Variants in NSRP1 observed in about 807,000 individuals in gnomAD.
NSRP1 encodes coiled-coil domain containing 55.
In NSRP1, 24 loss-of-function variants were observed where a neutral mutation model predicts 54.7. The observed-to-expected ratio is 0.44, with a 90% CI of 0.32 to 0.62. NSRP1 has a LOEUF of 0.62. NSRP1 is among the 20% of genes least tolerant of loss of function. NSRP1 has a pLI of 0.06. For missense variants in NSRP1, 596 were observed against 651.2 expected, an observed-to-expected ratio of 0.92 and a Z score of 0.92; for synonymous variants, 210 against 213.8, an observed-to-expected ratio of 0.98 and a Z score of 0.15.
chr17:30,117,388 G>A, intron 1 of NSRP1: 3 of 469,058 alleles, frequency 6.4e-6, no homozygotes. Context: ...AATACTGTAC[G>A]TACTTGAAAG....
intron 2 of NSRP1, among the ~76,000 whole-genome samples, chr17:30,139,665 A>T (rs2071784904): frequency 6.6e-6 from 1 of 151,806 alleles, no homozygotes; most frequent in African/African-American, 2.4e-5. Flanking sequence ...ACAGGTGTGA[A>T]ATGGGGGTAG....
chr17:30,168,779 C>T (rs900731344), intron 2 of NSRP1: 1 of 151,714 alleles, frequency 6.6e-6, no homozygotes, highest in African/African-American at 2.4e-5. Flanking sequence ...AGTTTTACTG[C>T]TACTCTTTTA....
rs575495455 is a variant in NSRP1, at chr17:30,123,409, C to T, written c.114+5236C>T. 2.6e-5 allele frequency among the ~76,000 whole-genome samples: 4 copies of T among 152,304 alleles called. No individual in the cohort carries two copies. The South Asian group carries it at 8.3e-4, about 32-fold the overall frequency. On this transcript the variant is annotated intron_variant, in intron 2 of 6. Coordinates refer to ENST00000247026, the MANE Select transcript of NSRP1 (RefSeq NM_032141.4). The stretch of plus-strand genomic sequence containing the variant: ...GGGATTACAGGCATGAGCCACCGTG[C>T]CCGGCTTTACCTCTTTTTAAATTGG...
At chr17:30,124,892 GTATATTTAAATA>G (rs2071636655) in intron 2 of NSRP1, among the ~76,000 whole-genome samples, 1 of 152,132 alleles carries the variant, frequency 6.6e-6, no homozygotes, top group Non-Finnish European at 1.5e-5. Flanking sequence ...AATTTATTGA[GTATATTTAAATA>G]TTTGTGAGAT....
chr17:30,185,182 TAGAC>T lies in NSRP1; in HGVS notation c.1187_1190del (p.Arg396AsnfsTer25), dbSNP rs1371234208. ...ATTCCCAAAGAGAACAAGAAAGAGA[TAGAC>T]AACAAAATGATCAGAACCGACCCAG... On this transcript the variant is annotated frameshift_variant, in exon 7 of 7. Transcript: ENST00000247026. LOFTEE classifies it high-confidence loss of function. The T allele has an allele frequency of 6.4e-7, 1 of 1,569,790 alleles. No individual in the cohort carries two copies. The highest frequency in any genetic ancestry group is 1.4e-5 in the African/African-American group (1 of 72,126).
At chr17:30,183,620 G>A (rs1420846069) in intron 6 of NSRP1, among the ~76,000 whole-genome samples, 3 of 152,126 alleles carry the variant, frequency 2.0e-5, no homozygotes, top group African/African-American at 7.2e-5. Flanking sequence ...TGCACCATTA[G>A]TGTGATTAGT....
intron 2 of NSRP1, among the ~76,000 whole-genome samples, chr17:30,170,631 A>G (rs1463322790): frequency 6.6e-6 from 1 of 152,212 alleles, no homozygotes; most frequent in Non-Finnish European, 1.5e-5. Context: ...TTAAAGGCTG[A>G]ATAATACTCC....
chr17:30,145,677 A>C (rs1157438537), intron 2 of NSRP1, among the ~76,000 whole-genome samples: 1 of 151,746 alleles, frequency 6.6e-6, no homozygotes. Context: ...TTTTCTCATC[A>C]GCCGTTTATT....
At chr17:30,152,140 T>A (rs1022814699) in intron 2 of NSRP1, among the ~76,000 whole-genome samples, 6 of 149,300 alleles carry the variant, frequency 4.0e-5, no homozygotes, top group Non-Finnish European at 6.0e-5. Context: ...TTTTTTTTTT[T>A]AAAACAGAGT....
intron 2 of NSRP1, among the ~76,000 whole-genome samples, chr17:30,129,768 A>C (rs563325741): frequency 6.6e-6 from 1 of 152,210 alleles, no homozygotes; most frequent in Non-Finnish European, 1.5e-5. Flanking sequence ...AGTCTAGTAT[A>C]GTTCAAATAA....
intron 2 of NSRP1, among the ~76,000 whole-genome samples, chr17:30,148,788 C>T (rs2071880001): frequency 6.6e-6 from 1 of 152,200 alleles, no homozygotes; most frequent in Non-Finnish European, 1.5e-5. Context: ...CTGTTCTGCC[C>T]AGGTTTTCAG....
chr17:30,144,671 ATCTG>A (rs1380151818), intron 2 of NSRP1: 5 of 152,190 alleles, frequency 3.3e-5, no homozygotes, highest in Non-Finnish European at 5.9e-5. Flanking sequence ...ATATAGATAT[ATCTG>A]TCTTTCTGGA....
chr17:30,147,732 G>C (rs1228110958), intron 2 of NSRP1, among the ~76,000 whole-genome samples: 1 of 151,948 alleles, frequency 6.6e-6, no homozygotes, highest in Non-Finnish European at 1.5e-5. Flanking sequence ...TAAAGTGCTG[G>C]GATTACAGGT....
At chr17:30,181,695 C>G (rs1329568798) in intron 6 of NSRP1, among the ~76,000 whole-genome samples, 1 of 150,538 alleles carries the variant, frequency 6.6e-6, no homozygotes, top group Non-Finnish European at 1.5e-5. Context: ...ACTGCAACCT[C>G]TGCCTCTCAA....
chr17:30,138,908 C>CATTT (rs1567793683), intron 2 of NSRP1, among the ~76,000 whole-genome samples: 1 of 64,926 alleles, frequency 1.5e-5, no homozygotes, highest in Non-Finnish European at 3.2e-5. Context: ...CAAGTCTTAG[C>CATTT]GTTTTTTTTT....
intron 2 of NSRP1, among the ~76,000 whole-genome samples, chr17:30,149,286 G>C (rs1345401900): frequency 1.3e-5 from 2 of 152,158 alleles, no homozygotes; most frequent in Non-Finnish European, 2.9e-5. Flanking sequence ...TTGGTCTCGA[G>C]TGATCCTCCA....
At chr17:30,117,980 A>G (rs2071558063) in intron 1 of NSRP1, 100 bp from the exon 2 acceptor site, 3 of 915,404 alleles carry the variant, frequency 3.3e-6, no homozygotes, top group Non-Finnish European at 5.3e-6. Flanking sequence ...AGCTTATGAC[A>G]TGTTTTGATT....
intron 2 of NSRP1, among the ~76,000 whole-genome samples, chr17:30,160,840 T>A (rs1173203849): frequency 2.0e-5 from 3 of 152,192 alleles, no homozygotes; most frequent in Admixed American, 2.0e-4. Context: ...TGTTATACAT[T>A]ATGAAAATGA....
At chr17:30,133,381 G>A (rs1047636555) in intron 2 of NSRP1, among the ~76,000 whole-genome samples, 3 of 151,944 alleles carry the variant, frequency 2.0e-5, no homozygotes, top group Non-Finnish European at 4.4e-5. Flanking sequence ...GTCAGAGCTC[G>A]TGATAACCCG....
Sources: gnomAD v4.1 joint callset for allele counts (sites outside exome capture counted in the v4.1 genomes callset) on GRCh38, gnomAD v4.1.1 for gene constraint, MANE v1.5 for transcripts, NCBI Gene and HGNC (gene_info 2026-07-23, HGNC 2026-07-21) for gene names.